The following PCNX1 variants were observed in gnomAD, a reference collection of about 807,000 sequenced individuals.
The protein encoded by PCNX1 is pecanex-like protein 1.
A neutral mutation model predicts 242.2 loss-of-function variants in PCNX1; 78 were observed. That is an observed-to-expected ratio of 0.32 (90% CI 0.27 to 0.39). The LOEUF is 0.39. Among genes scored for constraint, PCNX1 ranks in the 10% least tolerant of loss-of-function variants. The pLI is 1.00. For missense variants in PCNX1, 2,581 were observed against 2,856.5 expected (o/e 0.90, Z 2.20); for synonymous variants, 1,024 against 1,032.9 (o/e 0.99, Z 0.17).
At chr14:70,958,742 G>A (rs1296842758) in intron 2 of PCNX1, among the ~76,000 whole-genome samples, 1 of 151,964 alleles carries the variant, frequency 6.6e-6, no homozygotes, top group Non-Finnish European at 1.5e-5. Flanking sequence ...GTTGGGTCCT[G>A]TGCTTATTCT....
intron 26 of PCNX1, among the ~76,000 whole-genome samples, chr14:71,069,847 G>C (rs756827110): frequency 9.2e-5 from 14 of 152,176 alleles, no homozygotes; most frequent in Non-Finnish European, 1.5e-4. Context: ...GCTTTGGCAA[G>C]ATCTTAAAAT....
At chr14:70,987,324 G>C (rs1000093858) in intron 6 of PCNX1, among the ~76,000 whole-genome samples, 2 of 152,190 alleles carry the variant, frequency 1.3e-5, no homozygotes, top group Non-Finnish European at 2.9e-5. Context: ...CGGAGCACTT[G>C]AAGTATGATT....
intron 30 of PCNX1, among the ~76,000 whole-genome samples, chr14:71,100,501 T>G (rs1311379977): frequency 6.6e-6 from 1 of 152,144 alleles, no homozygotes; most frequent in East Asian, 1.9e-4. Context: ...GATCTGACCT[T>G]TTTCTCTAGC....
At chr14:71,010,534 A>T (rs2059795077) in intron 9 of PCNX1, among the ~76,000 whole-genome samples, 1 of 152,114 alleles carries the variant, frequency 6.6e-6, no homozygotes, top group African/African-American at 2.4e-5. Context: ...AGGAATTTGT[A>T]AGATAATGAA....
Position 71,036,056 on chromosome 14 carries a change from T to A in PCNX1, c.3775-9T>A. The A allele has an allele frequency of 6.5e-7, 1 of 1,531,542 alleles. No individual in the cohort carries two copies. Among genetic ancestry groups the A allele is most frequent in the Non-Finnish European group, 8.9e-7 (1 of 1,118,112 alleles). 94.9% of individuals were successfully genotyped at this position (1,531,542 alleles called of 1,614,324 possible). On this transcript the variant is annotated splice_polypyrimidine_tract_variant and intron_variant, in intron 18 of 35. Transcript: ENST00000304743. ...GTAATTGTTTAATAATTCTTTTTTT[T>A]CCCCACAGAGTGAGCGATTACAGTC...
chr14:70,955,088 TG>T (rs1215181728), intron 2 of PCNX1, among the ~76,000 whole-genome samples: 3 of 152,234 alleles, frequency 2.0e-5, no homozygotes, highest in Non-Finnish European at 2.9e-5. Context: ...CTCTTTTATG[TG>T]GTACAGCAGG....
chr14:71,108,731 T>G lies in PCNX1; in HGVS notation c.6429T>G (p.Thr2143=). ...ATTCATCCCTCCGGATGTCCACCAC[T>G]GGGTTTGTGCCTTGTCGGCGCTCTT... is the stretch of plus-strand genomic sequence containing the variant. The part of the protein sequence containing the change: ...SRHSSLRMST[T]GFVPCRRSST... Residue 2143 remains threonine (T), a synonymous_variant, in exon 34 of 36, where the codon ACT becomes ACG. Transcript: ENST00000304743. 6.2e-7 allele frequency: 1 copy of G among 1,614,236 alleles called. No homozygotes were observed. Among genetic ancestry groups the G allele is most frequent in the Non-Finnish European group, 8.5e-7 (1 of 1,180,046 alleles).
rs1401787076 is a variant in PCNX1 at position 71,114,373 on chromosome 14, A to T, written c.*4438A>T. On this transcript the variant is annotated 3_prime_UTR_variant, in exon 36 of 36. Coordinates refer to ENST00000304743, the MANE Select transcript of PCNX1 (RefSeq NM_014982.3). ...AAGAACTGTGATTGGAAAGGAATTA[A>T]TTATTATACAAATAAATCTGGTAGG... is the stretch of plus-strand genomic sequence containing the variant. The T allele has an allele frequency of 6.6e-6, 1 of 152,238 alleles. No individual in the cohort carries two copies. Among genetic ancestry groups the T allele is most frequent in the Non-Finnish European group, 1.5e-5 (1 of 68,032 alleles). 9.4% of individuals were successfully genotyped at this position (152,238 alleles called of 1,614,324 possible). A position where few individuals can be genotyped will look rare whatever the true frequency, so the allele number is the denominator to read the frequency against.
chr14:70,964,050 AT>A (rs2058303496), intron 3 of PCNX1, among the ~76,000 whole-genome samples: 1 of 152,152 alleles, frequency 6.6e-6, no homozygotes, highest in Non-Finnish European at 1.5e-5. Context: ...GAAAAGAGCT[AT>A]GACATATTAA....
At chr14:70,933,866 A>G (rs2056897542) in intron 1 of PCNX1, among the ~76,000 whole-genome samples, 1 of 152,224 alleles carries the variant, frequency 6.6e-6, no homozygotes, top group African/African-American at 2.4e-5. Context: ...TCACTTTGTA[A>G]CATAGACTGG....
chr14:70,919,939 T>G (rs2056314112), intron 1 of PCNX1, among the ~76,000 whole-genome samples: 1 of 151,980 alleles, frequency 6.6e-6, no homozygotes, highest in African/African-American at 2.4e-5. Context: ...CTGTAGAGCT[T>G]TGAACGAGCC....
intron 29 of PCNX1, among the ~76,000 whole-genome samples, chr14:71,088,631 G>T (rs533141434): frequency 6.6e-6 from 1 of 152,130 alleles, no homozygotes; most frequent in Non-Finnish European, 1.5e-5. Flanking sequence ...AAATTCACAC[G>T]TGTGGGTAGC....
chr14:70,968,000 C>T (rs1325670767), intron 3 of PCNX1, among the ~76,000 whole-genome samples, 198 bp from the exon 4 acceptor site: 1 of 152,158 alleles, frequency 6.6e-6, no homozygotes, highest in Non-Finnish European at 1.5e-5. Context: ...ATCAGTAAGA[C>T]ACACGCAGCC....
chr14:70,944,008 A>T (rs1328259236), intron 1 of PCNX1, among the ~76,000 whole-genome samples: 1 of 152,182 alleles, frequency 6.6e-6, no homozygotes, highest in African/African-American at 2.4e-5. Context: ...AAGTGCCTGG[A>T]TGTCTGGGCA....
At chr14:70,963,252 C>T (rs1239845277) in intron 3 of PCNX1, among the ~76,000 whole-genome samples, 1 of 152,162 alleles carries the variant, frequency 6.6e-6, no homozygotes, top group Non-Finnish European at 1.5e-5. Context: ...TTTTCAAACA[C>T]CTTATGGTGT....
intron 30 of PCNX1, among the ~76,000 whole-genome samples, chr14:71,094,675 C>T (rs550471860): frequency 6.6e-5 from 10 of 152,198 alleles, no homozygotes; most frequent in South Asian, 4.1e-4. Flanking sequence ...GCCTGTAATC[C>T]CAGCACCGTT....
At chr14:71,077,327 G>C (rs762971508) in intron 28 of PCNX1, among the ~76,000 whole-genome samples, 37 of 152,192 alleles carry the variant, frequency 2.4e-4, no homozygotes, top group Non-Finnish European at 2.2e-4. Context: ...TGCTTTTTAA[G>C]CAAAAGCCTT....
chr14:71,026,499 G>C (rs2060247648), intron 14 of PCNX1, among the ~76,000 whole-genome samples: 1 of 152,224 alleles, frequency 6.6e-6, no homozygotes, highest in East Asian at 1.9e-4. Context: ...TCTTGGAGTA[G>C]ATATAATGCA....
At chr14:71,097,565 C>T (rs953447660) in intron 30 of PCNX1, among the ~76,000 whole-genome samples, 3 of 152,128 alleles carry the variant, frequency 2.0e-5, no homozygotes, top group Admixed American at 1.3e-4. Context: ...CATTTTTTCA[C>T]ACTTGTTTGC....
Sources: gnomAD v4.1 joint callset for allele counts (sites outside exome capture counted in the v4.1 genomes callset) on GRCh38, gnomAD v4.1.1 for gene constraint, MANE v1.5 for transcripts, NCBI Gene and HGNC (gene_info 2026-07-23, HGNC 2026-07-21) for gene names.